The following RAB27A variants were observed in gnomAD, a reference collection of about 807,000 sequenced individuals.
RAB27A encodes the protein RAB27A, member RAS oncogene family.
RAB27A carries 17 observed loss-of-function variants against 20.8 expected under a neutral mutation model. The observed-to-expected ratio is 0.82, with a 90% CI of 0.56 to 1.23. The LOEUF (loss-of-function observed/expected upper bound fraction) is 1.23. RAB27A is among the 50% of genes most tolerant of loss of function. The pLI is 0.00. For synonymous variants in RAB27A, 85 were observed against 92.8 expected, an observed-to-expected ratio of 0.92 and a Z score of 0.48; for missense variants, 277 against 266.7, an observed-to-expected ratio of 1.04 and a Z score of -0.27.
At chr15:55,209,434 C>T (rs536880655) in intron 6 of RAB27A, among the ~76,000 whole-genome samples, 1 of 152,218 alleles carries the variant, frequency 6.6e-6, no homozygotes, top group South Asian at 2.1e-4. Context: ...ACATAATGAT[C>T]TCCAGTTCCA....
rs563040891 is a variant in RAB27A, at chr15:55,209,912, A to G, written c.468-4207T>C. ...TACATATATACACATATGTGTGTGT[A>G]TGTATATACACACATATATGTATGT... On this transcript the variant is annotated intron_variant, in intron 6 of 6. Coordinates refer to ENST00000336787, the MANE Select transcript of RAB27A (RefSeq NM_183235.3). Among the ~76,000 whole-genome samples, 142 of 113,134 alleles carry G rather than the reference A, an allele frequency of 1.3e-3. 21 individuals carry two copies. Among genetic ancestry groups the G allele is most frequent in the South Asian group, 2.8e-3 (11 of 3,988 alleles). 74.2% of individuals were successfully genotyped at this position (113,134 alleles called of 152,430 possible).
At chr15:55,228,327 T>C (rs1423794518) in intron 5 of RAB27A, among the ~76,000 whole-genome samples, 2 of 152,170 alleles carry the variant, frequency 1.3e-5, no homozygotes, top group Non-Finnish European at 2.9e-5. Flanking sequence ...GAAATGGGAA[T>C]AAGAGTCTCT....
intron 1 of RAB27A, among the ~76,000 whole-genome samples, chr15:55,286,052 C>A (rs1293082344): frequency 6.6e-6 from 1 of 152,162 alleles, no homozygotes; most frequent in Admixed American, 6.5e-5. Context: ...TATCTATAGA[C>A]ATTGCTTCTC....
At chr15:55,241,700 T>A (rs1191794473) in intron 2 of RAB27A, among the ~76,000 whole-genome samples, 3 of 147,770 alleles carry the variant, frequency 2.0e-5, no homozygotes, top group Non-Finnish European at 1.5e-5. Context: ...CCTAGCTACT[T>A]GGGAGGCTGA....
intron 2 of RAB27A, among the ~76,000 whole-genome samples, chr15:55,242,074 TC>T (rs1417536610): frequency 6.6e-6 from 1 of 152,048 alleles, no homozygotes; most frequent in East Asian, 1.9e-4. Flanking sequence ...AATCATAGAC[TC>T]CAACCTTAGG....
At chr15:55,279,997 T>C (rs1354157890) in intron 1 of RAB27A, among the ~76,000 whole-genome samples, 1 of 152,144 alleles carries the variant, frequency 6.6e-6, no homozygotes. Flanking sequence ...TCAGATTCAG[T>C]AGGTCTGGAG....
At chr15:55,310,733 G>C (rs1038305895) in intron 2 of RAB27A, among the ~76,000 whole-genome samples, 1 of 152,074 alleles carries the variant, frequency 6.6e-6, no homozygotes, top group African/African-American at 2.4e-5. Flanking sequence ...AGTTCAATAG[G>C]TTTTCTAAGT....
At chr15:55,225,507 CT>C (rs1895761438) in intron 5 of RAB27A, among the ~76,000 whole-genome samples, 1 of 152,194 alleles carries the variant, frequency 6.6e-6, no homozygotes, top group African/African-American at 2.4e-5. Flanking sequence ...CACTCCAGCT[CT>C]ACTGAATCAG....
rs901459102 is a variant in RAB27A at position 55,265,900 on chromosome 15, A to C, written c.-23+4265T>G. Among the ~76,000 whole-genome samples the C allele has an allele frequency of 1.1e-4, 16 of 152,208 alleles. 1 individual carries two copies. Among genetic ancestry groups the C allele is most frequent in the Admixed American group, 7.8e-4 (12 of 15,296 alleles). On this transcript the variant is annotated intron_variant, in intron 2 of 6. Coordinates refer to ENST00000336787, the MANE Select transcript of RAB27A (RefSeq NM_183235.3). Reference sequence around the variant, plus strand: ...AAAAGGACTGTGACATGGCACTAAAAAGTTTGTGTGTTATCCTCTGGGCAA... The same window carrying C: ...AAAAGGACTGTGACATGGCACTAAACAGTTTGTGTGTTATCCTCTGGGCAA...
intron 6 of RAB27A, among the ~76,000 whole-genome samples, chr15:55,221,986 C>G (rs1268471614): frequency 6.6e-6 from 1 of 152,152 alleles, no homozygotes; most frequent in African/African-American, 2.4e-5. Flanking sequence ...GTCTGACTGT[C>G]CTGTCCTTCA....
intron 2 of RAB27A, among the ~76,000 whole-genome samples, chr15:55,249,901 G>T (rs7171897): frequency 0.22 from 33,406 of 152,042 alleles, 6,476 homozygotes; most frequent in African/African-American, 0.52. Flanking sequence ...TCTATGAAAC[G>T]CTGGGATTCA....
intron 2 of RAB27A, among the ~76,000 whole-genome samples, chr15:55,301,914 G>C (rs1423879933): frequency 1.3e-5 from 2 of 151,854 alleles, no homozygotes; most frequent in Admixed American, 6.5e-5. Flanking sequence ...CCAAAGCATT[G>C]GGATTATAGA....
At chr15:55,229,794 G>A (rs1895961458) in intron 4 of RAB27A, among the ~76,000 whole-genome samples, 1 of 152,134 alleles carries the variant, frequency 6.6e-6, no homozygotes, top group Non-Finnish European at 1.5e-5. Context: ...AAGAGGTAAG[G>A]GGTATAAATG....
chr15:55,211,809 T>C (rs1160540694), intron 6 of RAB27A, among the ~76,000 whole-genome samples: 2 of 152,178 alleles, frequency 1.3e-5, no homozygotes, highest in African/African-American at 4.8e-5. Context: ...TATACTATAC[T>C]ATGTCTTGTA....
chr15:55,287,120 A>G (rs1898177567), intron 1 of RAB27A, among the ~76,000 whole-genome samples: 1 of 151,736 alleles, frequency 6.6e-6, no homozygotes, highest in African/African-American at 2.4e-5. Flanking sequence ...GGGCTTCACC[A>G]TGTTGGCCAG....
chr15:55,290,794 A>T (rs1261540637), upstream of RAB27A, among the ~76,000 whole-genome samples: 1 of 152,200 alleles, frequency 6.6e-6, no homozygotes, highest in African/African-American at 2.4e-5. Context: ...GTCCCTATGG[A>T]GTCTAAGGCA....
chr15:55,229,831 T>C (rs1281974939), intron 4 of RAB27A, among the ~76,000 whole-genome samples: 1 of 152,200 alleles, frequency 6.6e-6, no homozygotes, highest in Non-Finnish European at 1.5e-5. Context: ...AATTTCATAA[T>C]TGTTGAAGCT....
At chr15:55,243,162 G>A (rs1443973798) in intron 2 of RAB27A, among the ~76,000 whole-genome samples, 1 of 152,096 alleles carries the variant, frequency 6.6e-6, no homozygotes, top group Non-Finnish European at 1.5e-5. Flanking sequence ...TAAATTGGGA[G>A]CTTGTCTGCT....
intron 3 of RAB27A, among the ~76,000 whole-genome samples, chr15:55,231,132 G>A (rs1297064367): frequency 6.6e-6 from 1 of 152,144 alleles, no homozygotes; most frequent in African/African-American, 2.4e-5. Flanking sequence ...TATCCATGTT[G>A]CTGCAAAAGA....
Sources: gnomAD v4.1 joint callset for allele counts (sites outside exome capture counted in the v4.1 genomes callset) on GRCh38, gnomAD v4.1.1 for gene constraint, MANE v1.5 for transcripts, NCBI Gene and HGNC (gene_info 2026-07-23, HGNC 2026-07-21) for gene names.